Variants in COA1 observed in about 807,000 individuals in gnomAD.
COA1 encodes cytochrome c oxidase assembly factor 1, also known as cytochrome c oxidase assembly factor 1 homolog.
A neutral mutation model predicts 16.0 loss-of-function variants in COA1; 13 were observed. That is an observed-to-expected ratio of 0.81 (90% CI 0.53 to 1.29). COA1 has a LOEUF of 1.29. COA1 is among the 50% of genes most tolerant of loss of function. The pLI, the probability that COA1 is intolerant of heterozygous loss-of-function variation, is 0.00. For synonymous variants in COA1, 65 were observed against 65.7 expected (o/e 0.99, Z 0.05); for missense variants, 179 against 177.0 (o/e 1.01, Z -0.06).
intron 1 of COA1, among the ~76,000 whole-genome samples, chr7:43,721,020 C>T (rs960430564): frequency 3.3e-5 from 5 of 152,208 alleles, no homozygotes; most frequent in African/African-American, 1.2e-4. Context: ...GGGATTCCTA[C>T]ATGTGATAGA....
intron 6 of COA1, among the ~76,000 whole-genome samples, chr7:43,609,928 C>A (rs1259614626): frequency 6.6e-6 from 1 of 152,232 alleles, no homozygotes; most frequent in Non-Finnish European, 1.5e-5. Flanking sequence ...CTGACCCAGA[C>A]ATGAATCAGA....
intron 1 of COA1, among the ~76,000 whole-genome samples, chr7:43,694,331 A>T (rs1363967822): frequency 2.6e-5 from 4 of 151,460 alleles, no homozygotes; most frequent in Non-Finnish European, 5.9e-5. Flanking sequence ...TCCTCTTTGG[A>T]AAGAAACTCT....
intron 1 of COA1, among the ~76,000 whole-genome samples, chr7:43,722,520 C>T (rs1196610603): frequency 6.6e-6 from 1 of 152,178 alleles, no homozygotes; most frequent in Admixed American, 6.5e-5. Flanking sequence ...GTGCCTCGTA[C>T]CAGCTGCGAG....
intron 6 of COA1, among the ~76,000 whole-genome samples, chr7:43,618,533 A>T (rs1475678064): frequency 6.6e-6 from 1 of 152,198 alleles, no homozygotes; most frequent in Non-Finnish European, 1.5e-5. Context: ...GTAATTTACC[A>T]GTGTTTCTCA....
At chr7:43,646,804 T>C (rs1157409602) in intron 3 of COA1, 1 of 297,190 alleles carries the variant, frequency 3.4e-6, no homozygotes, top group Non-Finnish European at 7.0e-6. Context: ...CTGGAGCCTG[T>C]CTGCTTGTCT....
intron 1 of COA1, among the ~76,000 whole-genome samples, chr7:43,724,228 A>G (rs1249901042): frequency 2.6e-5 from 4 of 152,106 alleles, no homozygotes; most frequent in African/African-American, 4.8e-5. Flanking sequence ...ACAATCCAGC[A>G]ATTCCACTTC....
chr7:43,646,854 G>A, intron 3 of COA1: 1 of 268,988 alleles, frequency 3.7e-6, no homozygotes, highest in East Asian at 8.6e-5. Flanking sequence ...TGAAAATGTT[G>A]CAGAGTGGAT....
chr7:43,704,506 T>C (rs1420492897), intron 1 of COA1, among the ~76,000 whole-genome samples: 1 of 152,202 alleles, frequency 6.6e-6, no homozygotes, highest in Non-Finnish European at 1.5e-5. Context: ...GGAGGTTTTG[T>C]TCATTTTTTA....
chr7:43,729,090 C>T (rs547814457), intron 1 of COA1, among the ~76,000 whole-genome samples: 1 of 152,342 alleles, frequency 6.6e-6, no homozygotes, highest in South Asian at 2.1e-4. Flanking sequence ...AAATTTAGCA[C>T]TACCAACAAA....
intron 6 of COA1, chr7:43,633,111 G>C (rs2085334389): frequency 6.8e-6 from 1 of 147,448 alleles, no homozygotes; most frequent in Non-Finnish European, 1.5e-5. Context: ...GTCCTAGATG[G>C]CATCTTTTTC....
intron 1 of COA1, among the ~76,000 whole-genome samples, chr7:43,712,955 G>A (rs2095295919): frequency 6.6e-6 from 1 of 151,416 alleles, no homozygotes; most frequent in Non-Finnish European, 1.5e-5. Flanking sequence ...TTTTTGTCTT[G>A]TTTTCTTTTG....
chr7:43,708,460 A>T (rs1400549391), intron 1 of COA1, among the ~76,000 whole-genome samples: 3 of 103,832 alleles, frequency 2.9e-5, no homozygotes, highest in African/African-American at 8.4e-5. Context: ...GACCTTTTCT[A>T]AAAAAAAAAA....
intron 1 of COA1, among the ~76,000 whole-genome samples, chr7:43,664,130 A>AGAGAGAGAGT (rs1307866265): frequency 6.7e-6 from 1 of 148,500 alleles, no homozygotes; most frequent in African/African-American, 2.5e-5. Context: ...AGAGAGAGAG[A>AGAGAGAGAGT]GTCTTGCTAT....
At chr7:43,700,739 A>C (rs1476411289) in intron 1 of COA1, among the ~76,000 whole-genome samples, 1 of 152,088 alleles carries the variant, frequency 6.6e-6, no homozygotes, top group African/African-American at 2.4e-5. Flanking sequence ...TTTATAGTTT[A>C]CAAGTGTAGT....
chr7:43,680,006 T>G (rs2093692754), intron 1 of COA1, among the ~76,000 whole-genome samples: 3 of 152,112 alleles, frequency 2.0e-5, no homozygotes. Context: ...TTTAACAGAT[T>G]AGATTCACCT....
intron 6 of COA1, among the ~76,000 whole-genome samples, chr7:43,620,168 A>C (rs1382189028): frequency 6.6e-6 from 1 of 152,238 alleles, no homozygotes; most frequent in Non-Finnish European, 1.5e-5. Context: ...TCTGGCAGAA[A>C]GAAAAAGGAG....
chr7:43,700,591 C>CGT (rs58589217), intron 1 of COA1, among the ~76,000 whole-genome samples: 17,371 of 144,796 alleles, frequency 0.12, 1,070 homozygotes, highest in East Asian at 0.17. Context: ...TGTATATATA[C>CGT]GTGTGTGTGT....
intron 6 of COA1, among the ~76,000 whole-genome samples, chr7:43,627,805 CAA>C (rs2084730979): frequency 6.6e-6 from 1 of 152,182 alleles, no homozygotes; most frequent in Non-Finnish European, 1.5e-5. Flanking sequence ...TCAGGCTTGA[CAA>C]ATGTACTCAC....
In COA1 at chr7:43,639,495, C is replaced by A; in HGVS notation, c.*87G>T. The stretch of plus-strand genomic sequence containing the variant: ...AAAACTGGGTTGCAGGAGTGTCTGT[C>A]ACTGAGATGGGCCACCACCCCAGTG... On this transcript the variant is annotated 3_prime_UTR_variant, in exon 6 of 6. Transcript: ENST00000223336. 9.5e-7 allele frequency: 1 copy of A among 1,052,372 alleles called. No homozygotes were observed. Among genetic ancestry groups the A allele is most frequent in the South Asian group, 1.3e-5 (1 of 75,110 alleles). 65.2% of individuals were successfully genotyped at this position (1,052,372 alleles called of 1,614,324 possible). A position where few individuals can be genotyped will look rare whatever the true frequency, so the allele number is the denominator to read the frequency against.
Sources: allele counts gnomAD v4.1 joint callset (sites outside exome capture counted in the v4.1 genomes callset), GRCh38; gene constraint gnomAD v4.1.1; transcripts MANE v1.5; gene names NCBI Gene and HGNC (gene_info 2026-07-23, HGNC 2026-07-21).